Variants in IQCN observed in about 807,000 individuals in gnomAD.
IQCN encodes the protein IQ motif containing N.
A neutral mutation model predicts 64.4 loss-of-function variants in IQCN; 46 were observed. The observed-to-expected ratio is 0.71, with a 90% CI of 0.56 to 0.91. The LOEUF (loss-of-function observed/expected upper bound fraction) is 0.91, where lower values mean the gene tolerates loss of function less well. Ranked by LOEUF, IQCN falls within the 40% of genes least tolerant of loss-of-function variation. IQCN has a pLI of 0.00. For missense variants in IQCN, 1,753 were observed against 1,857.4 expected, an observed-to-expected ratio of 0.94 and a Z score of 1.03; for synonymous variants, 733 against 775.6, an observed-to-expected ratio of 0.95 and a Z score of 0.91.
chr19:18,271,048 T>G (rs935862567), intron 1 of IQCN, among the ~76,000 whole-genome samples: 3 of 151,002 alleles, frequency 2.0e-5, no homozygotes, highest in Non-Finnish European at 4.4e-5. Flanking sequence ...GGCATGCACC[T>G]GTAATCCCAG....
Position 18,266,923 on chromosome 19 carries a change from T to G in IQCN, c.617A>C (p.Gln206Pro). ...TGGGGGCTGCAGGAGGGGGGACGACTGGGGTCTGCAGAGGACCAGATTGTC... is the reference window on the plus strand; with the variant it reads ...TGGGGGCTGCAGGAGGGGGGACGACGGGGGTCTGCAGAGGACCAGATTGTC... Reference protein sequence around the residue: ...SCDNLVLCRPQSSPLLQPPAA... With the variant: ...SCDNLVLCRPPSSPLLQPPAA... The change falls in exon 3 of 4, where the codon CAG (glutamine) becomes CCG (proline). Residue 206 changes from glutamine (Q) to proline (P), a missense_variant. By Grantham distance (76) the Gln-to-Pro change is moderately conservative. Transcript: ENST00000392413. This position sits in a 1 kb window ranked among gnomAD's most constrained non-coding sequence, Gnocchi z 4.3. 6.2e-7 allele frequency: 1 copy of G among 1,608,516 alleles called. No individual in the cohort carries two copies. The highest frequency in any genetic ancestry group is 1.1e-5 in the South Asian group (1 of 90,674).
At chr19:18,268,916 C>T (rs1219142770) in intron 2 of IQCN, among the ~76,000 whole-genome samples, 4 of 146,384 alleles carry the variant, frequency 2.7e-5, no homozygotes, top group Admixed American at 7.0e-5. Context: ...AAGCCGAGAT[C>T]GCGCCACCTC....
chr19:18,268,362 TG>T (rs903774496), intron 2 of IQCN, among the ~76,000 whole-genome samples: 1 of 150,942 alleles, frequency 6.6e-6, no homozygotes, highest in African/African-American at 2.4e-5. Context: ...AGGTATTGGG[TG>T]GGGGGGGCAT....
chr19:18,273,333 AATT>A (rs1005117370), intron 1 of IQCN, among the ~76,000 whole-genome samples: 12 of 149,190 alleles, frequency 8.0e-5, no homozygotes, highest in African/African-American at 2.5e-4. Flanking sequence ...TGCCCGGCCT[AATT>A]ATTATTATTA....
At position 18,265,649 on chromosome 19, in the gene IQCN, C is replaced by T. The variant is rs767491723; in HGVS notation, c.1891G>A (p.Ala631Thr). ...TCAGCAACTTTTGTCCAGGATGGAG[C>T]CCCAGCCATTTCCACTGCCACACTG... is the stretch of plus-strand genomic sequence containing the variant. The part of the protein sequence containing the change: ...KTSVAVEMAG[A>T]PSWTKVAEEG... The change falls in exon 3 of 4, where the codon GCT becomes ACT. Residue 631 changes from alanine (A) to threonine (T), a missense_variant. Ala to Thr is a moderately conservative substitution (Grantham distance 58). Coordinates refer to ENST00000392413, the MANE Select transcript of IQCN (RefSeq NM_001145304.2). This position sits in a 1 kb window ranked among gnomAD's most constrained non-coding sequence, Gnocchi z 4.7. 6.2e-7 allele frequency: 1 copy of T among 1,614,078 alleles called. No individual in the cohort carries two copies.
intron 1 of IQCN, among the ~76,000 whole-genome samples, chr19:18,270,152 G>C (rs1001872175): frequency 6.6e-6 from 1 of 151,582 alleles, no homozygotes; most frequent in African/African-American, 2.4e-5. Flanking sequence ...CTGAGGTCAG[G>C]AGTTCGAGAC....
rs1415245970 is a variant in IQCN at position 18,266,114 on chromosome 19, T to C, written c.1426A>G (p.Met476Val). 1 of 1,614,018 alleles carries C rather than the reference T, an allele frequency of 6.2e-7. No individual in the cohort carries two copies. Among genetic ancestry groups the C allele is most frequent in the Non-Finnish European group, 8.5e-7 (1 of 1,180,008 alleles). Residue 476 changes from methionine to valine, a missense_variant, in exon 3 of 4, where the codon ATG (methionine) becomes GTG (valine). By Grantham distance (21) the Met-to-Val change is conservative (BLOSUM62 1). Coordinates refer to ENST00000392413, the MANE Select transcript of IQCN (RefSeq NM_001145304.2). This position sits in a 1 kb window ranked among gnomAD's most constrained non-coding sequence, Gnocchi z 4.3. Reference sequence around the variant, plus strand: ...CTCCTCTGGGATGAAGTCTTGGACATTGTGGCTGACAGACATGTTTGCAAT... The same window carrying C: ...CTCCTCTGGGATGAAGTCTTGGACACTGTGGCTGACAGACATGTTTGCAAT... The part of the protein sequence containing the change: ...NPLQTCLSAT[M>V]SKTSSQRSPV...
rs201236365 is a variant in IQCN, at chr19:18,257,910, C to T, written c.3374G>A (p.Arg1125His). The change falls in exon 4 of 4, where the codon CGT becomes CAT. Residue 1125 changes from arginine (R) to histidine (H), a missense_variant. Physicochemically the swap from Arg to His is conservative, Grantham distance 29. Transcript: ENST00000392413. Reference sequence around the variant, plus strand: ...GATCCTGCGACGCGCCAGGTAGCCACGGACGCCCGCCTGGATAGTGATCAC... The same window carrying T: ...GATCCTGCGACGCGCCAGGTAGCCATGGACGCCCGCCTGGATAGTGATCAC... Reference protein sequence around the residue: ...LAVITIQAGVRGYLARRRIRL... With the variant: ...LAVITIQAGVHGYLARRRIRL... 5.5e-5 allele frequency: 88 copies of T among 1,612,802 alleles called. 1 individual carries two copies. In the East Asian group the frequency reaches 7.4e-4, roughly 13 times the overall value.
chr19:18,257,764 T>C lies in IQCN; in HGVS notation c.3520A>G (p.Ser1174Gly). 1 of 1,610,976 alleles carries C rather than the reference T, an allele frequency of 6.2e-7. No individual in the cohort carries two copies. Among genetic ancestry groups the C allele is most frequent in the Non-Finnish European group, 8.5e-7 (1 of 1,179,046 alleles). ...TTIQSAWRGY[S>G]TRRDQARHWQ... ...TGCCGGGCTTGGTCCCGGCGGGTGC[T>C]GTAGCCGCGCCAGGCAGACTGGATG... The change falls in exon 4 of 4, where the codon AGC becomes GGC. Residue 1174 changes from serine (S) to glycine (G), a missense_variant. Physicochemically the swap from Ser to Gly is moderately conservative, Grantham distance 56. Transcript: ENST00000392413.
rs570764625 is a variant in IQCN at position 18,262,807 on chromosome 19, C to G, written c.3177+1556G>C. Among the ~76,000 whole-genome samples the G allele has an allele frequency of 5.9e-5, 9 of 152,272 alleles. No individual in the cohort carries two copies. In the East Asian group the frequency reaches 1.5e-3, roughly 26 times the overall value. On this transcript the variant is annotated intron_variant, in intron 3 of 3. Transcript: ENST00000392413. ...GGGGCTACCCTACTGGCCAGTGTAG[C>G]CTGGGACACAATTGGGGCCAAGCTC...
In IQCN at chr19:18,265,970, T is replaced by C. The variant is rs12462974; in HGVS notation, c.1570A>G (p.Thr524Ala). 0.044 allele frequency: 71,488 copies of C among 1,613,920 alleles called. 6,898 individuals carry two copies. The highest frequency in any genetic ancestry group is 0.39 in the African/African-American group (29,489 of 74,902). The change falls in exon 3 of 4, where the codon ACA (threonine) becomes GCA (alanine). Residue 524 changes from threonine to alanine, a missense_variant. Thr to Ala is a moderately conservative substitution (Grantham distance 58, BLOSUM62 0). Transcript: ENST00000392413. This position sits in a 1 kb window ranked among gnomAD's most constrained non-coding sequence, Gnocchi z 4.7. Reference sequence around the variant, plus strand: ...GGTGGAGCCTTGACATTTGCCACTGTTGGAGAGGCCAGACACAGAGTCTTG... The same window carrying C: ...GGTGGAGCCTTGACATTTGCCACTGCTGGAGAGGCCAGACACAGAGTCTTG... ...ILKTLCLASP[T>A]VANVKAPPQV...
At chr19:18,258,504 C>T in intron 3 of IQCN, 1 of 457,754 alleles carries the variant, frequency 2.2e-6, no homozygotes, top group Non-Finnish European at 4.4e-6. Flanking sequence ...CCAGCGGCTG[C>T]TCGGAGCCAT....
chr19:18,273,633 A>G (rs1969789921), intron 1 of IQCN, among the ~76,000 whole-genome samples: 1 of 152,038 alleles, frequency 6.6e-6, no homozygotes, highest in Non-Finnish European at 1.5e-5. Flanking sequence ...TGCCCGGCCT[A>G]ATTTTTGAAT....
rs1160680106 is a variant in IQCN at position 18,267,647 on chromosome 19, G to A, written c.14-121C>T. 1.7e-5 allele frequency: 22 copies of A among 1,269,548 alleles called. No homozygotes were observed. The Middle Eastern group carries it at 1.4e-3, about 81-fold the overall frequency. 78.6% of individuals were successfully genotyped at this position (1,269,548 alleles called of 1,614,324 possible). A position where few individuals can be genotyped will look rare whatever the true frequency, so the allele number is the denominator to read the frequency against. On this transcript the variant is annotated intron_variant, in intron 2 of 3. Coordinates refer to ENST00000392413, the MANE Select transcript of IQCN (RefSeq NM_001145304.2). ...TGTTCCTGGCACGTTGCGATCTTCC[G>A]CCTCCCTTTTTCCATCCCTCCCTCT...
chr19:18,272,772 A>G (rs970485426), intron 1 of IQCN, among the ~76,000 whole-genome samples: 14 of 151,462 alleles, frequency 9.2e-5, no homozygotes, highest in African/African-American at 2.9e-4. Context: ...CACCACGCCC[A>G]GTTAATATTT....
In IQCN at chr19:18,257,916, C is replaced by T. The variant is rs766738927; in HGVS notation, c.3368G>A (p.Gly1123Asp). The T allele has an allele frequency of 6.2e-7, 1 of 1,612,730 alleles. No homozygotes were observed. The highest frequency in any genetic ancestry group is 2.2e-5 in the East Asian group (1 of 44,882). Reference sequence around the variant, plus strand: ...GCGACGCGCCAGGTAGCCACGGACGCCCGCCTGGATAGTGATCACTGCGAG... The same window carrying T: ...GCGACGCGCCAGGTAGCCACGGACGTCCGCCTGGATAGTGATCACTGCGAG... ...RILAVITIQA[G>D]VRGYLARRRI... Residue 1123 changes from glycine (G) to aspartate (D), a missense_variant, in exon 4 of 4, where the codon GGC (glycine) becomes GAC (aspartate). Transcript: ENST00000392413.
chr19:18,269,227 T>C (rs1158957487), intron 2 of IQCN, among the ~76,000 whole-genome samples: 1 of 144,296 alleles, frequency 6.9e-6, no homozygotes, highest in Non-Finnish European at 1.5e-5. Context: ...GGTAGACTGA[T>C]GGGTGGATGG....
chr19:18,267,554 G>T (rs375544637), intron 2 of IQCN, 28 bp from the exon 3 acceptor site: 1 of 1,504,070 alleles, frequency 6.6e-7, no homozygotes, highest in Non-Finnish European at 8.8e-7. Flanking sequence ...GGTGGTCAGG[G>T]TGTAGCAGGT....
chr19:18,262,898 C>T (rs1283256520), intron 3 of IQCN, among the ~76,000 whole-genome samples: 2 of 152,128 alleles, frequency 1.3e-5, no homozygotes, highest in African/African-American at 4.8e-5. Context: ...TCCTCCTCAG[C>T]TCTGTCTTGA....
Sources: gnomAD v4.1 joint callset for allele counts (sites outside exome capture counted in the v4.1 genomes callset) on GRCh38, gnomAD v4.1.1 for gene constraint, Gnocchi (gnomAD v3.1) non-coding constraint, MANE v1.5 for transcripts, NCBI Gene and HGNC (gene_info 2026-07-23, HGNC 2026-07-21) for gene names.